The following RHCE variants were observed in gnomAD, a reference collection of about 807,000 sequenced individuals.
RHCE encodes Rh blood group CcEe antigens, also known as blood group Rh(CE) polypeptide.
Under a neutral mutation model 43.8 loss-of-function variants are expected in RHCE, and 22 were observed. The ratio of observed to expected loss-of-function variants is 0.50; its 90% CI spans 0.36 to 0.72. RHCE has a LOEUF of 0.72. Ranked by LOEUF, RHCE falls within the 30% of genes least tolerant of loss-of-function variation. The probability of loss-of-function intolerance (pLI) is 0.00; values close to 1 mark genes in which losing one functional copy is unlikely to be tolerated. For synonymous variants in RHCE, 156 were observed against 210.7 expected (o/e 0.74, Z 2.25); for missense variants, 385 against 525.4 (o/e 0.73, Z 2.61).
chr1:25,377,415 C>T (rs1446685228), intron 7 of RHCE, among the ~76,000 whole-genome samples: 1 of 152,030 alleles, frequency 6.6e-6, no homozygotes, highest in South Asian at 2.1e-4. Flanking sequence ...CCAGGATGAT[C>T]TCGATCTCTT....
chr1:25,422,778 G>A (rs28695210), upstream of RHCE, among the ~76,000 whole-genome samples: 9,031 of 152,230 alleles, frequency 0.059, 350 homozygotes, highest in East Asian at 0.089. Flanking sequence ...TCCATGGACC[G>A]GGGTGAGGTT....
At chr1:25,418,189 GC>G (rs1410416685) in intron 1 of RHCE, among the ~76,000 whole-genome samples, 1 of 152,054 alleles carries the variant, frequency 6.6e-6, no homozygotes, top group Non-Finnish European at 1.5e-5. Flanking sequence ...ACCACATCCG[GC>G]TAATTTTTGT....
At position 25,408,867 on chromosome 1, in the gene RHCE, C is replaced by T. The variant is rs1229539844; in HGVS notation, c.151G>A (p.Gly51Ser). The part of the protein sequence containing the change: ...QKGLVASYQV[G>S]QDLTVMAALG... ...GCCGCCATCACGGTCAGATCTTGGC[C>T]GACTGCTCGGTGGGGAGATGGTGAG... Residue 51 changes from glycine to serine, a missense_variant and splice_region_variant, in exon 2 of 10, where the codon GGC (glycine) becomes AGC (serine). By Grantham distance (56) the Gly-to-Ser change is moderately conservative. Coordinates refer to ENST00000294413, the MANE Select transcript of RHCE (RefSeq NM_020485.8). The T allele has an allele frequency of 1.8e-5, 23 of 1,282,918 alleles. 7 individuals are homozygous for T. Among genetic ancestry groups the T allele is most frequent in the East Asian group, 1.7e-4 (4 of 23,832 alleles). 79.5% of individuals were successfully genotyped at this position (1,282,918 alleles called of 1,614,324 possible). A position where few individuals can be genotyped will look rare whatever the true frequency, so the allele number is the denominator to read the frequency against.
intron 3 of RHCE, among the ~76,000 whole-genome samples, chr1:25,396,743 A>C (rs114276588): frequency 6.6e-6 from 1 of 152,026 alleles, no homozygotes; most frequent in African/African-American, 2.4e-5. Context: ...CACCTCCCAC[A>C]AGGTCCTGCC....
At position 25,407,998 on chromosome 1, in the gene RHCE, G is replaced by T. The variant is rs1479777514; in HGVS notation, c.335+685C>A. 1.6e-5 allele frequency among the ~76,000 whole-genome samples: 2 copies of T among 123,798 alleles called. 1 individual carries two copies. Among genetic ancestry groups the T allele is most frequent in the East Asian group, 8.1e-4 (2 of 2,466 alleles). 81.2% of individuals were successfully genotyped at this position (123,798 alleles called of 152,430 possible). ...GAAAGTCCTTTCTTTTCAAGAGAATGTCTCTCAGGCTGGACGCGGTGGCTC... is the reference window on the plus strand; with the variant it reads ...GAAAGTCCTTTCTTTTCAAGAGAATTTCTCTCAGGCTGGACGCGGTGGCTC... On this transcript the variant is annotated intron_variant, in intron 2 of 9. Coordinates refer to ENST00000294413, the MANE Select transcript of RHCE (RefSeq NM_020485.8).
At chr1:25,397,974 C>G (rs1646609120) in intron 3 of RHCE, among the ~76,000 whole-genome samples, 1 of 140,680 alleles carries the variant, frequency 7.1e-6, no homozygotes, top group African/African-American at 2.5e-5. Flanking sequence ...AACACTTACC[C>G]CATGCCAGGC....
intron 9 of RHCE, among the ~76,000 whole-genome samples, chr1:25,368,809 G>A (rs1645510559): frequency 6.6e-6 from 1 of 151,232 alleles, no homozygotes. Context: ...CACCCAGGCT[G>A]GAGTGCAGTG....
intron 7 of RHCE, among the ~76,000 whole-genome samples, chr1:25,379,485 ATATATATATATTTTTTTTTTTTTT>A (rs1460435515): frequency 6.7e-4 from 13 of 19,504 alleles, no homozygotes; most frequent in African/African-American, 3.4e-3. Context: ...ATATATATAT[ATATATATATATTTTTTTTTTTTTT>A]TTTTTTTTTT....
At chr1:25,405,128 T>G (rs1215400833) in intron 2 of RHCE, among the ~76,000 whole-genome samples, 1 of 147,586 alleles carries the variant, frequency 6.8e-6, no homozygotes, top group Non-Finnish European at 1.5e-5. Context: ...GGAGCCGAGG[T>G]GGGCAGATCA....
At chr1:25,368,935 A>C (rs936893925) in intron 9 of RHCE, among the ~76,000 whole-genome samples, 5 of 151,598 alleles carry the variant, frequency 3.3e-5, no homozygotes, top group Admixed American at 3.3e-4. Context: ...TAATTTTTGT[A>C]GTTTTAGTGG....
chr1:25,380,814 T>A (rs1247510543), intron 7 of RHCE, among the ~76,000 whole-genome samples: 2 of 151,818 alleles, frequency 1.3e-5, no homozygotes, highest in African/African-American at 4.8e-5. Context: ...GTCTTGAAGA[T>A]CTCTGAAATG....
At position 25,385,722 on chromosome 1, in the gene RHCE, G is replaced by A. The variant is rs747445950; in HGVS notation, c.1062C>T (p.Asn354=). 1.4e-5 allele frequency: 22 copies of A among 1,613,888 alleles called. No homozygotes were observed. Among genetic ancestry groups the A allele is most frequent in the African/African-American group, 9.3e-5 (7 of 74,868 alleles). ...IVLLVLHTVW[N]GNGMIGFQVL... ...GCCCAGTGACCCACATGCCATTGCC[G>A]TTCCAGACAGTATGAAGCACCAGCA... Residue 354 remains asparagine (N), a synonymous_variant, in exon 7 of 10, where the codon AAC becomes AAT. Coordinates refer to ENST00000294413, the MANE Select transcript of RHCE (RefSeq NM_020485.8).
At chr1:25,386,878 CAA>C (rs61295608) in intron 6 of RHCE, among the ~76,000 whole-genome samples, 3 of 139,252 alleles carry the variant, frequency 2.2e-5, no homozygotes, top group African/African-American at 7.9e-5. Context: ...CACACACACA[CAA>C]ATTAGCCAGG....
At chr1:25,430,158 A>AGCCCGGGCCGCACC (rs1376142993) in exon 1 of RHCE, 4 of 151,800 alleles carry the variant, frequency 2.6e-5, no homozygotes, top group Non-Finnish European at 5.9e-5. Context: ...GTGGACGTGG[A>AGCCCGGGCCGCACC]GCCCGGGCCG....
At chr1:25,384,926 A>G (rs1231696109) in intron 7 of RHCE, among the ~76,000 whole-genome samples, 1 of 152,242 alleles carries the variant, frequency 6.6e-6, no homozygotes, top group African/African-American at 2.4e-5. Context: ...AAAGCAGTCA[A>G]TAACAGTAGT....
intron 3 of RHCE, among the ~76,000 whole-genome samples, chr1:25,393,663 T>C (rs1646449930): frequency 6.6e-6 from 1 of 151,836 alleles, no homozygotes; most frequent in African/African-American, 2.4e-5. Flanking sequence ...ATGTTACTCC[T>C]CTGCTCAGAA....
chr1:25,370,896 C>A (rs1571826254), intron 8 of RHCE, among the ~76,000 whole-genome samples: 1 of 149,454 alleles, frequency 6.7e-6, no homozygotes, highest in Non-Finnish European at 1.5e-5. Context: ...TTATAGGCGC[C>A]TGCCACCACA....
intron 3 of RHCE, among the ~76,000 whole-genome samples, chr1:25,399,412 G>A (rs564923251): frequency 3.9e-5 from 6 of 152,190 alleles, no homozygotes; most frequent in African/African-American, 1.4e-4. Context: ...TCTGTATTCT[G>A]GTGAGTTAAT....
At chr1:25,393,569 T>A (rs1241959547) in intron 3 of RHCE, among the ~76,000 whole-genome samples, 1 of 152,120 alleles carries the variant, frequency 6.6e-6, no homozygotes, top group Non-Finnish European at 1.5e-5. Context: ...TGTAGTGAGC[T>A]GAGATGGCGC....
Sources: gnomAD v4.1 joint callset for allele counts (sites outside exome capture counted in the v4.1 genomes callset) on GRCh38, gnomAD v4.1.1 for gene constraint, MANE v1.5 for transcripts, NCBI Gene and HGNC (gene_info 2026-07-23, HGNC 2026-07-21) for gene names.